ADNP: variants seen among roughly 807,000 people sequenced by gnomAD.
The protein encoded by ADNP is activity-dependent neuroprotector homeobox protein.
A neutral mutation model predicts 84.9 loss-of-function variants in ADNP; 4 were observed. That is an observed-to-expected ratio of 0.05 (90% CI 0.02 to 0.11). The LOEUF is 0.11. Among genes scored for constraint, ADNP ranks in the 10% least tolerant of loss-of-function variants. The pLI is 1.00. For missense variants in ADNP, 1,132 were observed against 1,326.0 expected, an observed-to-expected ratio of 0.85 and a Z score of 2.27; for synonymous variants, 554 against 468.1, an observed-to-expected ratio of 1.18 and a Z score of -2.37.
chr20:50,903,504 CCA>C (rs1211624031), intron 4 of ADNP, among the ~76,000 whole-genome samples: 1 of 152,146 alleles, frequency 6.6e-6, no homozygotes, highest in African/African-American at 2.4e-5. Flanking sequence ...GCTTTGAGTC[CCA>C]CAGACACTGC....
Position 50,894,474 on chromosome 20 carries a change from T to C in ADNP, c.240A>G (p.Pro80=), listed in dbSNP as rs186612478. The change falls in exon 6 of 6, where the codon CCA becomes CCG. Residue 80 remains proline (P), a synonymous_variant. Transcript: ENST00000621696. ...RTKPFCCSAC[P]FSSKFFSAYK... is the part of the protein sequence containing the mutation. ...AGGCAGAGAAGAATTTTGAGGAAAA[T>C]GGACAAGCGCTGCAGCAGAAAGGTT... 181 of 1,606,098 alleles carry C rather than the reference T, an allele frequency of 1.1e-4. No homozygotes were observed. The highest frequency in any genetic ancestry group is 1.3e-5 in the African/African-American group (1 of 74,354).
intron 2 of ADNP, among the ~76,000 whole-genome samples, chr20:50,917,752 A>T (rs1983625315): frequency 6.6e-6 from 1 of 152,216 alleles, no homozygotes; most frequent in Non-Finnish European, 1.5e-5. Flanking sequence ...GACCACACAT[A>T]AACTCGTGTA....
intron 1 of ADNP, among the ~76,000 whole-genome samples, chr20:50,930,587 C>T (rs1984647237): frequency 6.6e-6 from 1 of 151,920 alleles, no homozygotes; most frequent in Non-Finnish European, 1.5e-5. Context: ...AGAAGGGGGT[C>T]GGGCTGCAGG....
chr20:50,929,783 G>C (rs1984537603), intron 1 of ADNP, among the ~76,000 whole-genome samples: 1 of 152,140 alleles, frequency 6.6e-6, no homozygotes, highest in South Asian at 2.1e-4. Flanking sequence ...TGGGAACTGG[G>C]TGTGTGGGGA....
In ADNP at chr20:50,892,612, T is replaced by C; in HGVS notation, c.2102A>G (p.Asn701Ser). The change falls in exon 6 of 6, where the codon AAT becomes AGT. Residue 701 changes from asparagine to serine, a missense_variant. Coordinates refer to ENST00000621696, the MANE Select transcript of ADNP (RefSeq NM_001282531.3). ...AGACTGATTAAGCCGAGAGGGTGCA[T>C]TTGTCTTATCCTGGCCATTTTGGGT... ...GKTQNGQDKT[N>S]APSRLNQSPS... 1 of 1,614,202 alleles carries C rather than the reference T, an allele frequency of 6.2e-7. No homozygotes were observed. Among genetic ancestry groups the C allele is most frequent in the Non-Finnish European group, 8.5e-7 (1 of 1,180,046 alleles).
chr20:50,891,440 A>G lies in ADNP; in HGVS notation c.3274T>C (p.Leu1092=). ...TGGCTGCTCAGTTTAACTCCGGCTA[A>G]GCTGCCATGCATGGGCTCAGCTACT... ...DGVAEPMHGS[L]AGVKLSSQQA The change falls in exon 6 of 6, where the codon TTA becomes CTA. Residue 1092 remains leucine, a synonymous_variant. Coordinates refer to ENST00000621696, the MANE Select transcript of ADNP (RefSeq NM_001282531.3). The G allele has an allele frequency of 6.2e-7, 1 of 1,611,946 alleles. No individual in the cohort carries two copies. The highest frequency in any genetic ancestry group is 8.5e-7 in the Non-Finnish European group (1 of 1,179,586).
rs1048051075 is a variant in ADNP, at chr20:50,931,213, C to G, written c.-652G>C. 6 of 117,382 alleles carry G rather than the reference C, an allele frequency of 5.1e-5. No homozygotes were observed. The highest frequency in any genetic ancestry group is 2.0e-4 in the African/African-American group (6 of 30,510). The allele number at this position is 117,382 out of a possible 1,614,324, so 7.3% of individuals were successfully genotyped here. ...GACGCCAAAATCCCCCTTAGCGCTG[C>G]CTGCGGGAGGGGGAGGGGGCACAAG... is the stretch of plus-strand genomic sequence containing the variant. On this transcript the variant is annotated 5_prime_UTR_variant, in exon 1 of 6. Transcript: ENST00000621696.
chr20:50,895,434 T>TA (rs1981279540), intron 5 of ADNP, among the ~76,000 whole-genome samples: 1 of 152,118 alleles, frequency 6.6e-6, no homozygotes. Context: ...AGATAAATGA[T>TA]ACCATGAACA....
At chr20:50,911,213 T>G (rs1238386636) in intron 2 of ADNP, among the ~76,000 whole-genome samples, 1 of 152,234 alleles carries the variant, frequency 6.6e-6, no homozygotes, top group African/African-American at 2.4e-5. Context: ...AGAAACTTTT[T>G]CAGTTTAAGT....
intron 2 of ADNP, among the ~76,000 whole-genome samples, chr20:50,912,662 T>C (rs368051693): frequency 3.9e-5 from 6 of 152,294 alleles, no homozygotes; most frequent in South Asian, 4.1e-4. Context: ...AATCTGGGCC[T>C]AGTGGGCAAT....
At position 50,917,147 on chromosome 20, in the gene ADNP, A is replaced by C. The variant is rs533725497; in HGVS notation, c.-90+11504T>G. On this transcript the variant is annotated intron_variant, in intron 2 of 5. Transcript: ENST00000621696. ...TCCTGTCACTACCCATGCAGACCAA[A>C]CTCTATCTTTGGCATTCACTAAAAA... Among the ~76,000 whole-genome samples, 7 of 152,198 alleles carry C rather than the reference A, an allele frequency of 4.6e-5. No individual in the cohort carries two copies. In the South Asian group the frequency reaches 1.5e-3, roughly 32 times the overall value.
chr20:50,889,311 AT>A lies in ADNP; in HGVS notation c.*2093del, dbSNP rs1260126527. 2.0e-5 allele frequency: 3 copies of A among 152,214 alleles called. No homozygotes were observed. The allele number at this position is 152,214 out of a possible 1,614,324, so 9.4% of individuals were successfully genotyped here. ...AGAAGCCTGTTAATCAGGGAGGGTA[AT>A]TTCCAAATAAATGTGAGCTGGCCTA... On this transcript the variant is annotated 3_prime_UTR_variant, in exon 6 of 6. Transcript: ENST00000621696.
At chr20:50,921,411 T>G (rs998027610) in intron 2 of ADNP, among the ~76,000 whole-genome samples, 1 of 152,224 alleles carries the variant, frequency 6.6e-6, no homozygotes, top group Non-Finnish European at 1.5e-5. Flanking sequence ...GCAACTATCT[T>G]AAATAAACCC....
intron 2 of ADNP, among the ~76,000 whole-genome samples, chr20:50,926,954 CAAAATACTA>C (rs2123011094): frequency 6.6e-6 from 1 of 152,082 alleles, no homozygotes; most frequent in South Asian, 2.1e-4. Context: ...TTTTAGTTTT[CAAAATACTA>C]ACTTTTTAAT....
chr20:50,913,390 A>G (rs920831588), intron 2 of ADNP, among the ~76,000 whole-genome samples: 2 of 151,696 alleles, frequency 1.3e-5, no homozygotes, highest in East Asian at 3.9e-4. Context: ...GTTACTATGT[A>G]AGAATTTCAG....
At chr20:50,899,962 T>C (rs1015066744) in intron 5 of ADNP, among the ~76,000 whole-genome samples, 2 of 151,012 alleles carry the variant, frequency 1.3e-5, no homozygotes, top group Admixed American at 6.6e-5. Flanking sequence ...CCGGGCAGGT[T>C]GCCGTGTTTG....
chr20:50,906,659 C>A (rs1982499438), intron 2 of ADNP, among the ~76,000 whole-genome samples: 1 of 152,206 alleles, frequency 6.6e-6, no homozygotes. Context: ...TAAGTGCCTA[C>A]CCACAGCTTA....
At position 50,931,153 on chromosome 20, in the gene ADNP, C is replaced by G. The variant is rs1172537638; in HGVS notation, c.-592G>C. ...CGGCCGCGCTCCTCTCGCTCCTCAGCAGCGGGGACCGAGAGAGGGAGCTGT... is the reference window on the plus strand; with the variant it reads ...CGGCCGCGCTCCTCTCGCTCCTCAGGAGCGGGGACCGAGAGAGGGAGCTGT... On this transcript the variant is annotated 5_prime_UTR_variant, in exon 1 of 6. Coordinates refer to ENST00000621696, the MANE Select transcript of ADNP (RefSeq NM_001282531.3). 6.6e-6 allele frequency: 1 copy of G among 150,962 alleles called. No homozygotes were observed. Among genetic ancestry groups the G allele is most frequent in the Non-Finnish European group, 1.5e-5 (1 of 67,402 alleles). 9.4% of individuals were successfully genotyped at this position (150,962 alleles called of 1,614,324 possible). A position where few individuals can be genotyped will look rare whatever the true frequency, so the allele number is the denominator to read the frequency against.
At chr20:50,917,463 T>A (rs1983600468) in intron 2 of ADNP, among the ~76,000 whole-genome samples, 1 of 152,226 alleles carries the variant, frequency 6.6e-6, no homozygotes, top group Non-Finnish European at 1.5e-5. Flanking sequence ...AATGGTAATA[T>A]CTTGTAAAAT....
Sources: gnomAD v4.1 joint callset for allele counts (sites outside exome capture counted in the v4.1 genomes callset) on GRCh38, gnomAD v4.1.1 for gene constraint, MANE v1.5 for transcripts, NCBI Gene and HGNC (gene_info 2026-07-23, HGNC 2026-07-21) for gene names.